The following ETV4 variants were observed in gnomAD, a reference collection of about 807,000 sequenced individuals.
The protein encoded by ETV4 is ETS translocation variant 4.
A neutral mutation model predicts 65.9 loss-of-function variants in ETV4; 42 were observed. The observed-to-expected ratio is 0.64, with a 90% CI of 0.50 to 0.82. ETV4 has a LOEUF of 0.82. Among genes scored for constraint, ETV4 ranks in the 40% least tolerant of loss-of-function variants. The pLI, the probability that ETV4 is intolerant of heterozygous loss-of-function variation, is 0.00. For missense variants in ETV4, 583 were observed against 630.3 expected (o/e 0.92, Z 0.80); for synonymous variants, 238 against 260.0 (o/e 0.92, Z 0.81).
At position 43,545,546 on chromosome 17, in the gene ETV4, C is replaced by T. The variant is rs1401993843; in HGVS notation, c.60+12G>A. The T allele has an allele frequency of 3.2e-6, 5 of 1,547,528 alleles. No individual in the cohort carries two copies. The highest frequency in any genetic ancestry group is 4.4e-6 in the Non-Finnish European group (5 of 1,145,838). ...GGGGCGGGGCGGGCGTGGAGGCCGG[C>T]GCGGCGCTCACGCTGCTGAAGGTGT... On this transcript the variant is annotated intron_variant, in intron 2 of 12. Coordinates refer to ENST00000319349, the MANE Select transcript of ETV4 (RefSeq NM_001079675.5).
rs1164072564 is a variant in ETV4 at position 43,533,182 on chromosome 17, C to T, written c.545+5G>A. On this transcript the variant is annotated splice_donor_5th_base_variant and intron_variant, in intron 7 of 12. Coordinates refer to ENST00000319349, the MANE Select transcript of ETV4 (RefSeq NM_001079675.5). The stretch of plus-strand genomic sequence containing the variant: ...CATGAGCAGTGGGTTTCCCTGTCTC[C>T]TTACCTATGTTCCCCGAGGTACCCA... The T allele has an allele frequency of 6.2e-7, 1 of 1,613,438 alleles. No homozygotes were observed. Among genetic ancestry groups the T allele is most frequent in the South Asian group, 1.1e-5 (1 of 91,028 alleles).
Position 43,529,554 on chromosome 17 carries a change from T to C in ETV4, c.1078A>G (p.Ile360Val), listed in dbSNP as rs149219456. Residue 360 changes from isoleucine (I) to valine (V), a missense_variant, in exon 11 of 13, where the codon ATT (isoleucine) becomes GTT (valine). By Grantham distance (29) the Ile-to-Val change is conservative. Transcript: ENST00000319349. ...TCCATTCCCCGGCCCGTCCAGGCAA[T>C]GAAATGGGCATTTGTTGGGTCATCC... ...LLDDPTNAHFIAWTGRGMEFK... is the reference protein window; with the variant it reads ...LLDDPTNAHFVAWTGRGMEFK... 1.5e-4 allele frequency: 250 copies of C among 1,613,960 alleles called. No individual in the cohort carries two copies. The highest frequency in any genetic ancestry group is 7.0e-4 in the Admixed American group (42 of 59,988).
chr17:43,532,450 G>A (rs535560253), intron 8 of ETV4, among the ~76,000 whole-genome samples: 6 of 151,758 alleles, frequency 4.0e-5, no homozygotes, highest in African/African-American at 9.7e-5. Context: ...AGTGAGCAGA[G>A]ATCGTGCCAC....
At chr17:43,544,644 CA>C (rs960787200) in intron 4 of ETV4, 7 of 229,128 alleles carry the variant, frequency 3.1e-5, no homozygotes, top group African/African-American at 1.4e-4. Context: ...TTCTGCAAAA[CA>C]AACTTTACAA....
intron 4 of ETV4, among the ~76,000 whole-genome samples, chr17:43,543,276 A>ACTCTCTCTCTCTCT (rs60214474): frequency 1.1e-3 from 154 of 138,248 alleles, no homozygotes; most frequent in African/African-American, 4.1e-3. Flanking sequence ...ACACACACAC[A>ACTCTCTCTCTCTCT]CTCTCTCTCT....
chr17:43,543,196 C>T (rs1971610946), intron 4 of ETV4, among the ~76,000 whole-genome samples: 1 of 151,398 alleles, frequency 6.6e-6, no homozygotes, highest in Non-Finnish European at 1.5e-5. Context: ...CCCCTCACCT[C>T]CGCCTTGCAA....
At chr17:43,543,280 T>TCCCTCTCTCC (rs376846245) in intron 4 of ETV4, among the ~76,000 whole-genome samples, 1 of 139,956 alleles carries the variant, frequency 7.1e-6, no homozygotes, top group Non-Finnish European at 1.5e-5. Flanking sequence ...ACACACACTC[T>TCCCTCTCTCC]CTCTCTCTCT....
In ETV4 at chr17:43,545,034, A is replaced by G; in HGVS notation, c.155-12T>C. On this transcript the variant is annotated splice_polypyrimidine_tract_variant and intron_variant, in intron 3 of 12. Coordinates refer to ENST00000319349, the MANE Select transcript of ETV4 (RefSeq NM_001079675.5). Reference sequence around the variant, plus strand: ...ATCCTGGAAGAGATCTGAGGGGTAAATAGTGGAATTGGAGGTGAGGTGGAG... The same window carrying G: ...ATCCTGGAAGAGATCTGAGGGGTAAGTAGTGGAATTGGAGGTGAGGTGGAG... 1 of 1,613,740 alleles carries G rather than the reference A, an allele frequency of 6.2e-7. No individual in the cohort carries two copies.
intron 4 of ETV4, among the ~76,000 whole-genome samples, chr17:43,540,191 G>A (rs573087283): frequency 6.6e-6 from 1 of 152,268 alleles, no homozygotes; most frequent in Non-Finnish European, 1.5e-5. Context: ...GGTGGCTCAC[G>A]CCTGTAATCC....
chr17:43,532,526 A>G (rs915937064), intron 8 of ETV4, 148 bp downstream of exon 8: 2 of 761,734 alleles, frequency 2.6e-6, no homozygotes, highest in East Asian at 2.7e-5. Flanking sequence ...AAGAAAAATA[A>G]CATTCTTTTG....
At position 43,532,676 on chromosome 17, in the gene ETV4, GAGTCGT is replaced by G. The variant is rs1165511412; in HGVS notation, c.803_808del (p.Tyr268_Asp269del). 4 of 1,610,964 alleles carry G rather than the reference GAGTCGT, an allele frequency of 2.5e-6. No individual in the cohort carries two copies. The highest frequency in any genetic ancestry group is 3.4e-6 in the Non-Finnish European group (4 of 1,177,850). ...CCTGCCCCACCCCAGTCTCTTACCTGAGTCGTAGGCGAAGTCCGTCTGTTCCTGTTT... is the reference window on the plus strand; with the variant it reads ...CCTGCCCCACCCCAGTCTCTTACCTGAGGCGAAGTCCGTCTGTTCCTGTTT... On this transcript the variant is annotated inframe_deletion, in exon 8 of 13. Coordinates refer to ENST00000319349, the MANE Select transcript of ETV4 (RefSeq NM_001079675.5).
intron 8 of ETV4, chr17:43,530,495 G>GGGA: frequency 8.1e-7 from 1 of 1,233,396 alleles, no homozygotes; most frequent in Non-Finnish European, 1.0e-6. Flanking sequence ...AGGGGGAGGA[G>GGGA]GGAGGGTGAG....
intron 8 of ETV4, chr17:43,530,395 C>T (rs900708969): frequency 8.4e-6 from 12 of 1,427,644 alleles, no homozygotes; most frequent in African/African-American, 2.9e-5. Flanking sequence ...TTGAGGGCTG[C>T]GGCTGAGGCC....
At chr17:43,531,442 TG>T (rs1169378814) in intron 8 of ETV4, among the ~76,000 whole-genome samples, 1 of 152,194 alleles carries the variant, frequency 6.6e-6, no homozygotes, top group African/African-American at 2.4e-5. Context: ...CCCTTGCCTC[TG>T]GCCAGGGCAT....
Position 43,532,712 on chromosome 17 carries a change from A to G in ETV4, c.773T>C (p.Val258Ala). The change falls in exon 8 of 13, where the codon GTG becomes GCG. Residue 258 changes from valine (V) to alanine (A), a missense_variant. Coordinates refer to ENST00000319349, the MANE Select transcript of ETV4 (RefSeq NM_001079675.5). Reference protein sequence around the residue: ...NGHRYPGAGVVIKQEQTDFAY... With the variant: ...NGHRYPGAGVAIKQEQTDFAY... The stretch of plus-strand genomic sequence containing the variant: ...GAAGTCCGTCTGTTCCTGTTTGATC[A>G]CCACCCCCGCCCCTGGGTACCTGTG... 6.2e-7 allele frequency: 1 copy of G among 1,613,364 alleles called. No homozygotes were observed. The highest frequency in any genetic ancestry group is 8.5e-7 in the Non-Finnish European group (1 of 1,179,738).
chr17:43,539,638 C>T (rs746039382), intron 4 of ETV4, among the ~76,000 whole-genome samples: 11 of 152,134 alleles, frequency 7.2e-5, no homozygotes, highest in Non-Finnish European at 1.0e-4. Context: ...ATGCAATAAT[C>T]GTTTGTCCTC....
At chr17:43,533,800 C>T (rs1222192064) in intron 6 of ETV4, 59 bp downstream of exon 6, 2 of 1,588,978 alleles carry the variant, frequency 1.3e-6, no homozygotes, top group Non-Finnish European at 1.7e-6. Flanking sequence ...TGGGTGCCCC[C>T]TGCCTCCCTC....
At chr17:43,529,097 GC>G in intron 12 of ETV4, 37 bp downstream of exon 12, 3 of 1,592,650 alleles carry the variant, frequency 1.9e-6, no homozygotes, top group East Asian at 2.2e-5. Flanking sequence ...CACAGCCACT[GC>G]CCCCCACCAC....
Position 43,532,957 on chromosome 17 carries a change from G to A in ETV4, c.546-18C>T. On this transcript the variant is annotated intron_variant, in intron 7 of 12. Coordinates refer to ENST00000319349, the MANE Select transcript of ETV4 (RefSeq NM_001079675.5). ...AGACGGAGCTGGATGTGGTTGGATG[G>A]AGAAGGAAGAGAAGAGAACTTTAAA... 1.3e-6 allele frequency: 2 copies of A among 1,539,552 alleles called. No homozygotes were observed. Among genetic ancestry groups the A allele is most frequent in the South Asian group, 2.5e-5 (2 of 78,594 alleles).
Sources: gnomAD v4.1 joint callset for allele counts (sites outside exome capture counted in the v4.1 genomes callset) on GRCh38, gnomAD v4.1.1 for gene constraint, MANE v1.5 for transcripts, NCBI Gene and HGNC (gene_info 2026-07-23, HGNC 2026-07-21) for gene names.